The following MED13L variants were observed in gnomAD, a reference collection of about 807,000 sequenced individuals.
MED13L encodes the protein mediator complex subunit 13L.
A neutral mutation model predicts 220.9 loss-of-function variants in MED13L; 7 were observed. That is an observed-to-expected ratio of 0.03 (90% CI 0.02 to 0.06). The LOEUF (loss-of-function observed/expected upper bound fraction) is 0.06, where lower values mean the gene tolerates loss of function less well. Among genes scored for constraint, MED13L ranks in the 10% least tolerant of loss-of-function variants. The pLI, the probability that MED13L is intolerant of heterozygous loss-of-function variation, is 1.00. For synonymous variants in MED13L, 1,011 were observed against 1,015.2 expected (o/e 1.00, Z 0.08); for missense variants, 1,965 against 2,760.5 (o/e 0.71, Z 6.46).
intron 2 of MED13L, among the ~76,000 whole-genome samples, chr12:116,123,464 G>A (rs1348593398): frequency 1.3e-5 from 2 of 152,092 alleles, no homozygotes; most frequent in Non-Finnish European, 2.9e-5. Context: ...TTTTAATAAA[G>A]ATGAGTCAAC....
chr12:116,166,947 A>C (rs1210193074), intron 2 of MED13L, among the ~76,000 whole-genome samples: 1 of 152,196 alleles, frequency 6.6e-6, no homozygotes, highest in African/African-American at 2.4e-5. Context: ...TTGAAATTTA[A>C]AAATTGTGAA....
Position 115,986,284 on chromosome 12 carries a change from G to A in MED13L, c.4320C>T (p.Asp1440=), listed in dbSNP as rs779412614. The change falls in exon 19 of 31, where the codon GAC becomes GAT. Residue 1440 remains aspartate, a synonymous_variant. Coordinates refer to ENST00000281928, the MANE Select transcript of MED13L (RefSeq NM_015335.5). ...TCCTCACCTCGTATACAGCACTCAA[G>A]TCCCTGAAGAAAGTTTTGGCTCCTT... The part of the protein sequence containing the change: ...LLEGAKTFFR[D]LSAVYEMCRL... 1.2e-6 allele frequency: 2 copies of A among 1,614,054 alleles called. No individual in the cohort carries two copies. Among genetic ancestry groups the A allele is most frequent in the South Asian group, 1.1e-5 (1 of 91,076 alleles).
chr12:115,972,726 G>C (rs976583849), intron 25 of MED13L, among the ~76,000 whole-genome samples: 19 of 152,296 alleles, frequency 1.2e-4, no homozygotes, highest in African/African-American at 4.6e-4. Context: ...ATAGTTCTTA[G>C]AACACCCAAA....
chr12:116,002,374 A>T lies in MED13L; in HGVS notation c.2569+629T>A, dbSNP rs553246530. Among the ~76,000 whole-genome samples the T allele has an allele frequency of 5.9e-5, 9 of 152,330 alleles. No individual in the cohort carries two copies. The East Asian group carries it at 1.3e-3, about 23-fold the overall frequency. ...TCATTACCAGCTGAAGTTAATGAGA[A>T]GGTGTTAAAGAATGATTTGCAATGG... On this transcript the variant is annotated intron_variant, in intron 14 of 30. Coordinates refer to ENST00000281928, the MANE Select transcript of MED13L (RefSeq NM_015335.5).
intron 2 of MED13L, among the ~76,000 whole-genome samples, chr12:116,190,464 T>A (rs758220809): frequency 1.3e-5 from 2 of 152,170 alleles, no homozygotes; most frequent in Admixed American, 6.5e-5. Context: ...TACAGAAAAA[T>A]TGCTCACTAC....
chr12:116,236,801 C>T, intron 2 of MED13L: 2 of 964,932 alleles, frequency 2.1e-6, no homozygotes, highest in Non-Finnish European at 2.5e-6. Context: ...TAAAGCAGCA[C>T]AGAAAAATGA....
intron 4 of MED13L, among the ~76,000 whole-genome samples, chr12:116,080,896 T>C (rs766981655): frequency 2.0e-5 from 3 of 152,246 alleles, no homozygotes; most frequent in East Asian, 1.9e-4. Context: ...TTGTACTTAG[T>C]AACTAGAACT....
chr12:116,270,814 G>A lies in MED13L; in HGVS notation c.72+6246C>T, dbSNP rs1003110467. Reference sequence around the variant, plus strand: ...TCCCAGCACTTTGGGAGGCCGAGGCGGGCGGATCACAAGGTCAAGAGATAG... The same window carrying A: ...TCCCAGCACTTTGGGAGGCCGAGGCAGGCGGATCACAAGGTCAAGAGATAG... On this transcript the variant is annotated intron_variant, in intron 1 of 30. Transcript: ENST00000281928. Among the ~76,000 whole-genome samples the A allele has an allele frequency of 2.6e-5, 4 of 151,626 alleles. 1 individual carries two copies. The highest frequency in any genetic ancestry group is 1.9e-4 in the East Asian group (1 of 5,134).
At chr12:116,027,420 AAAAC>A (rs530338836) in intron 4 of MED13L, among the ~76,000 whole-genome samples, 141 of 152,196 alleles carry the variant, frequency 9.3e-4, no homozygotes, top group East Asian at 2.5e-3. Flanking sequence ...ACTCTGTCTC[AAAAC>A]AAACAAACAA....
At chr12:115,992,559 A>G (rs1445774977) in intron 16 of MED13L, among the ~76,000 whole-genome samples, 3 of 152,204 alleles carry the variant, frequency 2.0e-5, no homozygotes, top group African/African-American at 7.2e-5. Context: ...TATAGTAATG[A>G]GTGACCATGA....
chr12:116,117,936 T>C lies in MED13L; in HGVS notation c.311-6424A>G, dbSNP rs374010936. Among the ~76,000 whole-genome samples the C allele has an allele frequency of 7.9e-5, 12 of 152,120 alleles. No individual in the cohort carries two copies. The East Asian group carries it at 1.4e-3, about 17-fold the overall frequency. ...AATCCTCCTACCTAAGTCTCCCCACTTTCTGGGAGTTACAGGCATAGGCCA... is the reference window on the plus strand; with the variant it reads ...AATCCTCCTACCTAAGTCTCCCCACCTTCTGGGAGTTACAGGCATAGGCCA... On this transcript the variant is annotated intron_variant, in intron 2 of 30. Transcript: ENST00000281928.
rs74868317 is a variant in MED13L, at chr12:116,078,486, T to A, written c.479+18183A>T. Among the ~76,000 whole-genome samples, 242 of 152,346 alleles carry A rather than the reference T, an allele frequency of 1.6e-3. 2 individuals are homozygous for A. Among genetic ancestry groups the A allele is most frequent in the African/African-American group, 5.1e-3 (213 of 41,586 alleles). ...AATCCAAGATCCTAGACTTTGTAGATGCGTGGTTCTCAGCTTATGACTTAA... is the reference window on the plus strand; with the variant it reads ...AATCCAAGATCCTAGACTTTGTAGAAGCGTGGTTCTCAGCTTATGACTTAA... On this transcript the variant is annotated intron_variant, in intron 4 of 30. Coordinates refer to ENST00000281928, the MANE Select transcript of MED13L (RefSeq NM_015335.5).
chr12:116,133,206 G>GT (rs2138012869), intron 2 of MED13L, among the ~76,000 whole-genome samples: 1 of 152,264 alleles, frequency 6.6e-6, no homozygotes, highest in East Asian at 1.9e-4. Flanking sequence ...TCTCACCAGA[G>GT]TTTGTTTTCT....
intron 1 of MED13L, 105 bp downstream of exon 1, chr12:116,276,955 A>G: frequency 8.0e-7 from 1 of 1,245,364 alleles, no homozygotes; most frequent in Non-Finnish European, 1.1e-6. Flanking sequence ...GACGCGAGGG[A>G]GGGGCGAAGT....
At chr12:116,235,673 A>T (rs1297449984) in intron 2 of MED13L, among the ~76,000 whole-genome samples, 1 of 152,228 alleles carries the variant, frequency 6.6e-6, no homozygotes, top group Non-Finnish European at 1.5e-5. Flanking sequence ...CCCAAAATTT[A>T]AATGCCCTAC....
At chr12:116,118,622 C>T (rs1874731853) in intron 2 of MED13L, among the ~76,000 whole-genome samples, 1 of 152,118 alleles carries the variant, frequency 6.6e-6, no homozygotes, top group African/African-American at 2.4e-5. Flanking sequence ...TCAGACCATC[C>T]TTTTTTTCTC....
At chr12:116,138,732 A>C (rs1052437217) in intron 2 of MED13L, among the ~76,000 whole-genome samples, 2 of 152,256 alleles carry the variant, frequency 1.3e-5, no homozygotes, top group Non-Finnish European at 2.9e-5. Flanking sequence ...AATGTTAGTC[A>C]TTGACAGTGA....
At position 116,019,360 on chromosome 12, in the gene MED13L, G is replaced by A. The variant is rs973354946; in HGVS notation, c.873C>T (p.Asp291=). 1 of 1,614,022 alleles carries A rather than the reference G, an allele frequency of 6.2e-7. No homozygotes were observed. Among genetic ancestry groups the A allele is most frequent in the Non-Finnish European group, 8.5e-7 (1 of 1,179,946 alleles). The change falls in exon 7 of 31, where the codon GAC becomes GAT. Residue 291 remains aspartate (D), a synonymous_variant. Transcript: ENST00000281928. ...PSAFVLISQN[D]IPVPQSVASA... ...TGGCAACACTCTGAGGAACCGGGAT[G>A]TCATTCTGAGAGATCAAAACAAATG...
At position 116,259,919 on chromosome 12, in the gene MED13L, C is replaced by G. The variant is rs550315484; in HGVS notation, c.72+17141G>C. ...AAATTGTAATTATGAAAATTATAAG[C>G]ACATGGGAAATGTTAGTGAGTACAG... On this transcript the variant is annotated intron_variant, in intron 1 of 30. Coordinates refer to ENST00000281928, the MANE Select transcript of MED13L (RefSeq NM_015335.5). Among the ~76,000 whole-genome samples the G allele has an allele frequency of 5.9e-5, 9 of 151,682 alleles. No individual in the cohort carries two copies. The South Asian group carries it at 1.5e-3, about 25-fold the overall frequency.
Sources: allele counts gnomAD v4.1 joint callset (sites outside exome capture counted in the v4.1 genomes callset), GRCh38; gene constraint gnomAD v4.1.1; transcripts MANE v1.5; gene names NCBI Gene and HGNC (gene_info 2026-07-23, HGNC 2026-07-21).